UNC79: variants seen among roughly 807,000 people sequenced by gnomAD.
UNC79 encodes the protein protein unc-79 homolog.
Under a neutral mutation model 283.1 loss-of-function variants are expected in UNC79, and 37 were observed. The ratio of observed to expected loss-of-function variants is 0.13; its 90% CI spans 0.10 to 0.17. UNC79 has a LOEUF of 0.17. Among genes scored for constraint, UNC79 ranks in the 10% least tolerant of loss-of-function variants. UNC79 has a pLI of 1.00. For synonymous variants in UNC79, 1,107 were observed against 1,200.2 expected (o/e 0.92, Z 1.61); for missense variants, 2,272 against 3,211.1 (o/e 0.71, Z 7.07).
intron 13 of UNC79, among the ~76,000 whole-genome samples, chr14:93,541,570 A>G (rs1244290401): frequency 6.6e-6 from 1 of 152,208 alleles, no homozygotes; most frequent in African/African-American, 2.4e-5. Context: ...CCTAGAAGTT[A>G]GTATTTAATG....
chr14:93,699,842 A>G (rs2075400430), intron 47 of UNC79, among the ~76,000 whole-genome samples: 1 of 152,178 alleles, frequency 6.6e-6, no homozygotes. Context: ...TATATTTGCT[A>G]TAATTGCCAT....
At chr14:93,437,005 G>A (rs938763156) in intron 1 of UNC79, among the ~76,000 whole-genome samples, 8 of 151,868 alleles carry the variant, frequency 5.3e-5, no homozygotes, top group Non-Finnish European at 1.0e-4. Flanking sequence ...TTGGTCTCAG[G>A]AACTTGGTCT....
chr14:93,543,433 G>A (rs114934625), intron 14 of UNC79, among the ~76,000 whole-genome samples: 20 of 147,792 alleles, frequency 1.4e-4, no homozygotes, highest in African/African-American at 3.3e-4. Flanking sequence ...AGGATGGACC[G>A]CAGTGGTGTA....
chr14:93,509,423 C>G (rs2059708940), intron 7 of UNC79, among the ~76,000 whole-genome samples: 1 of 152,106 alleles, frequency 6.6e-6, no homozygotes, highest in Non-Finnish European at 1.5e-5. Flanking sequence ...AGCCTGAAGT[C>G]TTATCTGAGA....
chr14:93,499,997 A>C (rs557433737), intron 7 of UNC79, among the ~76,000 whole-genome samples: 6 of 152,132 alleles, frequency 3.9e-5, no homozygotes, highest in African/African-American at 1.4e-4. Context: ...AGAGGAGGAG[A>C]GTAGCCAGAG....
At chr14:93,434,039 C>A (rs2140103298) in intron 1 of UNC79, among the ~76,000 whole-genome samples, 1 of 152,092 alleles carries the variant, frequency 6.6e-6, no homozygotes, top group East Asian at 1.9e-4. Context: ...CATGGAGAAA[C>A]CCCATCTCTA....
intron 1 of UNC79, among the ~76,000 whole-genome samples, chr14:93,382,864 C>CT (rs1442345512): frequency 6.6e-6 from 1 of 152,146 alleles, no homozygotes; most frequent in African/African-American, 2.4e-5. Flanking sequence ...TACCAAAATA[C>CT]TTTACACTCC....
At position 93,613,133 on chromosome 14, in the gene UNC79, A is replaced by C. The variant is rs375906096; in HGVS notation, c.4041+50A>C. 1,645 of 1,601,346 alleles carry C rather than the reference A, an allele frequency of 1.0e-3. 10 individuals are homozygous for C. The Middle Eastern group carries it at 0.024, about 23-fold the overall frequency. On this transcript the variant is annotated intron_variant, in intron 27 of 48. Transcript: ENST00000555664. The stretch of plus-strand genomic sequence containing the variant: ...AGTCACACCTTTATACTTTTAGTAG[A>C]AGCAAGGCATTACATACCATGTAGC...
intron 8 of UNC79, 122 bp from the exon 9 acceptor site, chr14:93,528,436 A>G (rs1041165259): frequency 2.4e-6 from 2 of 846,728 alleles, no homozygotes; most frequent in East Asian, 2.7e-5. Flanking sequence ...GGGTTTTACT[A>G]AAAATGTTTA....
intron 32 of UNC79, among the ~76,000 whole-genome samples, chr14:93,638,050 A>G (rs1256645410): frequency 6.6e-6 from 1 of 152,248 alleles, no homozygotes; most frequent in African/African-American, 2.4e-5. Flanking sequence ...CATTTTCAAA[A>G]TTAATCCCAT....
intron 1 of UNC79, among the ~76,000 whole-genome samples, chr14:93,416,758 C>T (rs2055468977): frequency 1.3e-5 from 2 of 152,042 alleles, no homozygotes; most frequent in African/African-American, 4.8e-5. Context: ...TTGAATTGAT[C>T]CCTTTACCAT....
chr14:93,349,854 A>G (rs1354694298), intron 1 of UNC79, among the ~76,000 whole-genome samples: 12 of 152,254 alleles, frequency 7.9e-5, no homozygotes, highest in Admixed American at 7.8e-4. Context: ...TTTATAAATG[A>G]TTAACAGAAA....
intron 1 of UNC79, among the ~76,000 whole-genome samples, chr14:93,409,487 T>G (rs111584210): frequency 0.011 from 1,671 of 152,202 alleles, 29 homozygotes; most frequent in African/African-American, 0.038. Flanking sequence ...GGCCAGGAAT[T>G]TGAGACCAGC....
intron 27 of UNC79, among the ~76,000 whole-genome samples, chr14:93,613,627 G>A (rs907481137): frequency 4.4e-4 from 67 of 152,128 alleles, no homozygotes; most frequent in African/African-American, 1.6e-3. Context: ...TGTTAGCCAG[G>A]ATGGTCTTGA....
At chr14:93,362,162 G>A (rs1383125324) in intron 1 of UNC79, among the ~76,000 whole-genome samples, 7 of 152,224 alleles carry the variant, frequency 4.6e-5, no homozygotes, top group Non-Finnish European at 7.4e-5. Context: ...TTTTCATCGT[G>A]TCTCACCAGG....
At chr14:93,609,683 A>G (rs2066157152) in intron 26 of UNC79, among the ~76,000 whole-genome samples, 1 of 152,218 alleles carries the variant, frequency 6.6e-6, no homozygotes, top group Non-Finnish European at 1.5e-5. Flanking sequence ...TAGTTTTGAA[A>G]TGGAAATTTC....
chr14:93,610,515 C>G (rs1043086887), intron 26 of UNC79, among the ~76,000 whole-genome samples: 10 of 152,136 alleles, frequency 6.6e-5, no homozygotes, highest in African/African-American at 1.2e-4. Flanking sequence ...TATTCTTGGC[C>G]CAAACATGTC....
chr14:93,353,134 C>T (rs1261283084), intron 1 of UNC79, among the ~76,000 whole-genome samples: 1 of 152,196 alleles, frequency 6.6e-6, no homozygotes, highest in East Asian at 1.9e-4. Context: ...CTTTCTTCTC[C>T]ACAGGACCCT....
rs892528427 is a variant in UNC79 at position 93,577,762 on chromosome 14, C to T, written c.2212-80C>T. 35 of 1,406,342 alleles carry T rather than the reference C, an allele frequency of 2.5e-5. No individual in the cohort carries two copies. In the South Asian group the frequency reaches 4.2e-4, roughly 17 times the overall value. 87.1% of individuals were successfully genotyped at this position (1,406,342 alleles called of 1,614,324 possible). A position where few individuals can be genotyped will look rare whatever the true frequency, so the allele number is the denominator to read the frequency against. ...TAAGTGTGACAGCTGGAAATACCTT[C>T]CATAGAGTCCCCGAATATTTTACAC... is the stretch of plus-strand genomic sequence containing the variant. On this transcript the variant is annotated intron_variant, in intron 17 of 48. Transcript: ENST00000555664.
Sources: gnomAD v4.1 joint callset for allele counts (sites outside exome capture counted in the v4.1 genomes callset) on GRCh38, gnomAD v4.1.1 for gene constraint, MANE v1.5 for transcripts, NCBI Gene and HGNC (gene_info 2026-07-23, HGNC 2026-07-21) for gene names.